Variants in BCL7C observed in about 807,000 individuals in gnomAD.
BCL7C encodes the protein B-cell CLL/lymphoma 7 protein family member C.
A neutral mutation model predicts 26.2 loss-of-function variants in BCL7C; 8 were observed. The ratio of observed to expected loss-of-function variants is 0.30; its 90% confidence interval spans 0.18 to 0.55. The LOEUF is 0.55. BCL7C is among the 20% of genes least tolerant of loss of function. BCL7C has a pLI of 0.93. For missense variants in BCL7C, 262 were observed against 298.5 expected, an observed-to-expected ratio of 0.88 and a Z score of 0.90; for synonymous variants, 90 against 116.5, an observed-to-expected ratio of 0.77 and a Z score of 1.47.
chr16:30,862,630 T>C (rs1378278279), intron 5 of BCL7C, among the ~76,000 whole-genome samples: 2 of 152,102 alleles, frequency 1.3e-5, no homozygotes, highest in Admixed American at 6.6e-5. Context: ...AATTTCTTCC[T>C]CATTCATTAT....
At chr16:30,850,554 A>G (rs1446623840) in intron 5 of BCL7C, among the ~76,000 whole-genome samples, 1 of 152,220 alleles carries the variant, frequency 6.6e-6, no homozygotes, top group African/African-American at 2.4e-5. Context: ...CCTAGCCTAC[A>G]GATCTGTACA....
chr16:30,874,975 C>A (rs1053010331), intron 5 of BCL7C, among the ~76,000 whole-genome samples: 2 of 152,232 alleles, frequency 1.3e-5, no homozygotes, highest in African/African-American at 4.8e-5. Flanking sequence ...CACGCCTCTG[C>A]CGACTGCGGC....
chr16:30,843,640 G>A (rs1280300486), intron 5 of BCL7C, among the ~76,000 whole-genome samples: 3 of 152,044 alleles, frequency 2.0e-5, no homozygotes, highest in African/African-American at 7.2e-5. Flanking sequence ...GACACTGAGC[G>A]TTACCGGATC....
At chr16:30,857,428 C>G (rs2054732512) in intron 5 of BCL7C, among the ~76,000 whole-genome samples, 1 of 150,380 alleles carries the variant, frequency 6.6e-6, no homozygotes, top group Non-Finnish European at 1.5e-5. Flanking sequence ...GAGAATAGAG[C>G]TTTTCAAGGA....
intron 5 of BCL7C, among the ~76,000 whole-genome samples, chr16:30,861,314 C>A (rs1341880513): frequency 6.6e-6 from 1 of 152,176 alleles, no homozygotes; most frequent in Admixed American, 6.5e-5. Context: ...AGTTGCAACT[C>A]CTTGCCTCCA....
chr16:30,893,269 C>G lies in BCL7C; in HGVS notation c.114G>C (p.Val38=). ...VRRWEKRWVT[V]GDTSLRIFKW... ...TGAAGATACGAAGGGAAGTGTCGCC[C>G]ACAGTCACCCATCGCTTCTCCCTGT... The change falls in exon 2 of 6, where the codon GTG becomes GTC. Residue 38 remains valine (V), a synonymous_variant. Transcript: ENST00000215115. The surrounding 1 kb of genome is among the most constrained non-coding windows in gnomAD (Gnocchi z 5.2). The G allele has an allele frequency of 6.2e-7, 1 of 1,613,602 alleles. No individual in the cohort carries two copies. Among genetic ancestry groups the G allele is most frequent in the South Asian group, 1.1e-5 (1 of 91,048 alleles).
intron 4 of BCL7C, among the ~76,000 whole-genome samples, chr16:30,892,093 C>T (rs896082718): frequency 1.3e-5 from 2 of 151,326 alleles, no homozygotes; most frequent in Non-Finnish European, 2.9e-5. Flanking sequence ...ATGGTGAAAC[C>T]TTATCTCTAC....
intron 5 of BCL7C, among the ~76,000 whole-genome samples, chr16:30,847,691 G>A (rs1290343982): frequency 6.6e-6 from 1 of 152,056 alleles, no homozygotes; most frequent in East Asian, 1.9e-4. Context: ...AGCTACTCAG[G>A]AGGCTGAGGC....
intron 5 of BCL7C, among the ~76,000 whole-genome samples, chr16:30,842,970 T>C (rs2054611800): frequency 2.0e-5 from 3 of 152,146 alleles, no homozygotes; most frequent in Admixed American, 2.0e-4. Flanking sequence ...TGAAGTAAAA[T>C]TGATTGAAGT....
chr16:30,842,205 G>T (rs956935817), intron 5 of BCL7C, among the ~76,000 whole-genome samples: 37 of 152,198 alleles, frequency 2.4e-4, no homozygotes, highest in African/African-American at 7.5e-4. Flanking sequence ...ACAAAGTGAA[G>T]ACCATGTAGA....
intron 5 of BCL7C, among the ~76,000 whole-genome samples, chr16:30,857,883 ATCAC>A (rs1156824191): frequency 6.6e-6 from 1 of 151,830 alleles, no homozygotes; most frequent in Admixed American, 6.6e-5. Flanking sequence ...AGGCAGGAGA[ATCAC>A]TTGGACCTAA....
intron 5 of BCL7C, among the ~76,000 whole-genome samples, chr16:30,839,166 G>T (rs1387959430): frequency 2.6e-5 from 4 of 152,180 alleles, no homozygotes; most frequent in African/African-American, 7.2e-5. Context: ...TAAGGAAAGG[G>T]CACCTCTTTC....
chr16:30,872,938 G>A (rs909187549), intron 5 of BCL7C, among the ~76,000 whole-genome samples: 1 of 152,180 alleles, frequency 6.6e-6, no homozygotes, highest in African/African-American at 2.4e-5. Context: ...ATGACCTGGA[G>A]AACCGTAAAT....
At chr16:30,887,319 T>C (rs1177111246), downstream of BCL7C, among the ~76,000 whole-genome samples, 1 of 149,556 alleles carries the variant, frequency 6.7e-6, no homozygotes, top group Non-Finnish European at 1.5e-5. Context: ...AAAAAAATAG[T>C]GATAAATAAA....
At chr16:30,843,619 T>C (rs996797255) in intron 5 of BCL7C, among the ~76,000 whole-genome samples, 14 of 151,814 alleles carry the variant, frequency 9.2e-5, no homozygotes, top group African/African-American at 3.4e-4. Flanking sequence ...GTGTTTGCCA[T>C]GTTTGCCATG....
At chr16:30,882,855 T>G (rs149725085), downstream of BCL7C, among the ~76,000 whole-genome samples, 13 of 152,326 alleles carry the variant, frequency 8.5e-5, no homozygotes, top group Non-Finnish European at 1.5e-5. Context: ...GAAAATTACT[T>G]AAGACAGAGA....
intron 5 of BCL7C, among the ~76,000 whole-genome samples, chr16:30,844,318 C>T (rs930922920): frequency 3.0e-5 from 4 of 131,944 alleles, no homozygotes; most frequent in African/African-American, 1.1e-4. Context: ...CCAATGCACT[C>T]CAGCCTGGTG....
intron 4 of BCL7C, among the ~76,000 whole-genome samples, chr16:30,890,878 G>A (rs968905296): frequency 4.6e-5 from 7 of 151,860 alleles, no homozygotes; most frequent in Non-Finnish European, 8.8e-5. Flanking sequence ...CCAGCTACTC[G>A]AGAGGCTGAG....
chr16:30,837,700 A>G (rs1436189058), intron 5 of BCL7C, among the ~76,000 whole-genome samples: 1 of 152,186 alleles, frequency 6.6e-6, no homozygotes, highest in Non-Finnish European at 1.5e-5. Flanking sequence ...CTGGGCCTGC[A>G]GCATAGGACA....
Sources: gnomAD v4.1 joint callset for allele counts (sites outside exome capture counted in the v4.1 genomes callset) on GRCh38, gnomAD v4.1.1 for gene constraint, Gnocchi (gnomAD v3.1) non-coding constraint, MANE v1.5 for transcripts, NCBI Gene and HGNC (gene_info 2026-07-23, HGNC 2026-07-21) for gene names.